Variants in PAK2 observed in about 807,000 individuals in gnomAD.
PAK2 encodes serine/threonine-protein kinase PAK 2.
Under a neutral mutation model 65.9 loss-of-function variants are expected in PAK2, and 21 were observed. The ratio of observed to expected loss-of-function variants is 0.32; its 90% CI spans 0.23 to 0.46. PAK2 has a LOEUF of 0.46. PAK2 is among the 20% of genes least tolerant of loss of function. PAK2 has a pLI of 1.00. For missense variants in PAK2, 324 were observed against 642.6 expected, an observed-to-expected ratio of 0.50 and a Z score of 5.36; for synonymous variants, 204 against 219.7, an observed-to-expected ratio of 0.93 and a Z score of 0.63.
At chr3:196,771,553 C>T (rs939454563) in intron 1 of PAK2, among the ~76,000 whole-genome samples, 3 of 150,518 alleles carry the variant, frequency 2.0e-5, no homozygotes, top group African/African-American at 7.5e-5. Flanking sequence ...TCTCCTCTTT[C>T]ATATTTTCTT....
rs1711972221 is a variant in PAK2, at chr3:196,828,880, G to C, written c.*475G>C. 6.2e-6 allele frequency: 1 copy of C among 161,686 alleles called. No homozygotes were observed. The highest frequency in any genetic ancestry group is 1.8e-4 in the South Asian group (1 of 5,614). 10.0% of individuals were successfully genotyped at this position (161,686 alleles called of 1,614,324 possible). ...TTGCTTTTGCGTTTCTCATGCCTAG[G>C]CAAGTGTAATAGAAATTATGTAGCT... On this transcript the variant is annotated 3_prime_UTR_variant, in exon 15 of 15. Coordinates refer to ENST00000327134, the MANE Select transcript of PAK2 (RefSeq NM_002577.4).
intron 1 of PAK2, among the ~76,000 whole-genome samples, chr3:196,758,644 TTTTATTTTATTTTAG>T (rs916452206): frequency 6.6e-6 from 1 of 152,136 alleles, no homozygotes; most frequent in Middle Eastern, 3.2e-3. Flanking sequence ...AGTATTTTTA[TTTTATTTTATTTTAG>T]TTTATTTTAT....
chr3:196,768,957 G>A lies in PAK2; in HGVS notation c.-21-13669G>A, dbSNP rs942330762. ...GCTGGGATTACAGGTGTGAGCCACCGTGCCCGGCCTACTTTTATTTTTTTA... is the reference window on the plus strand; with the variant it reads ...GCTGGGATTACAGGTGTGAGCCACCATGCCCGGCCTACTTTTATTTTTTTA... On this transcript the variant is annotated intron_variant, in intron 1 of 14. Coordinates refer to ENST00000327134, the MANE Select transcript of PAK2 (RefSeq NM_002577.4). 7.9e-5 allele frequency among the ~76,000 whole-genome samples: 12 copies of A among 151,740 alleles called. 2 individuals carry two copies. Among genetic ancestry groups the A allele is most frequent in the African/African-American group, 1.7e-4 (7 of 41,166 alleles).
intron 1 of PAK2, among the ~76,000 whole-genome samples, chr3:196,744,787 T>G (rs956658220): frequency 2.0e-5 from 3 of 152,218 alleles, no homozygotes; most frequent in Non-Finnish European, 4.4e-5. Context: ...ACTTTAATTA[T>G]TTGTGATCAT....
At chr3:196,771,078 T>C (rs1714345692) in intron 1 of PAK2, among the ~76,000 whole-genome samples, 1 of 152,104 alleles carries the variant, frequency 6.6e-6, no homozygotes, top group South Asian at 2.1e-4. Flanking sequence ...TTAAACTTAA[T>C]TGACTTTAAG....
At position 196,828,393 on chromosome 3, in the gene PAK2, G is replaced by T; in HGVS notation, c.1563G>T (p.Lys521Asn). 6.3e-7 allele frequency: 1 copy of T among 1,596,120 alleles called. No homozygotes were observed. Among genetic ancestry groups the T allele is most frequent in the Non-Finnish European group, 8.6e-7 (1 of 1,164,424 alleles). ...PLIMAAKEAM[K>N]SNR ...TCATGGCAGCTAAAGAAGCAATGAA[G>T]AGTAACCGTTAACATCACTGCTGTG... Residue 521 changes from lysine (K) to asparagine (N), a missense_variant, in exon 15 of 15, where the codon AAG becomes AAT. Physicochemically the swap from Lys to Asn is moderately conservative, Grantham distance 94. Around this residue, in one of 5 missense-constraint regions of PAK2, gnomAD observed 43 missense variants for 67.6 expected, o/e 0.64. Coordinates refer to ENST00000327134, the MANE Select transcript of PAK2 (RefSeq NM_002577.4).
At chr3:196,787,580 GAA>G (rs58321910) in intron 2 of PAK2, among the ~76,000 whole-genome samples, 46 of 127,512 alleles carry the variant, frequency 3.6e-4, no homozygotes, top group African/African-American at 3.7e-4. Flanking sequence ...CTCCGTCTCA[GAA>G]AAAAAAAAAA....
intron 8 of PAK2, among the ~76,000 whole-genome samples, chr3:196,811,397 T>C (rs1266682302): frequency 1.7e-5 from 1 of 59,710 alleles, no homozygotes; most frequent in Non-Finnish European, 3.4e-5. Context: ...TTTTTTTTTT[T>C]TTTTTTTTTT....
intron 11 of PAK2, among the ~76,000 whole-genome samples, chr3:196,815,508 G>T (rs1322427077): frequency 6.6e-6 from 1 of 151,286 alleles, no homozygotes; most frequent in African/African-American, 2.4e-5. Flanking sequence ...AAAAAAAGAG[G>T]CTGGGTACAG....
At chr3:196,759,502 T>TTG (rs1560092799) in intron 1 of PAK2, among the ~76,000 whole-genome samples, 1 of 11,970 alleles carries the variant, frequency 8.4e-5, no homozygotes. Context: ...TTTTTTGTTT[T>TTG]TTTTTTTTTT....
At chr3:196,821,988 C>T (rs1451606995) in intron 13 of PAK2, among the ~76,000 whole-genome samples, 1 of 152,202 alleles carries the variant, frequency 6.6e-6, no homozygotes, top group African/African-American at 2.4e-5. Context: ...AGCATTGAAC[C>T]TTGAGAGTAC....
Position 196,791,181 on chromosome 3 carries a change from A to G in PAK2, c.187+8348A>G, listed in dbSNP as rs574062923. Among the ~76,000 whole-genome samples, 5 of 152,296 alleles carry G rather than the reference A, an allele frequency of 3.3e-5. No homozygotes were observed. The highest frequency in any genetic ancestry group is 2.1e-4 in the South Asian group (1 of 4,828). Reference sequence around the variant, plus strand: ...TTAAAGACATTCTGTTGGTATAGCAATATCTTTCCAGCACATTGTTCAATT... The same window carrying G: ...TTAAAGACATTCTGTTGGTATAGCAGTATCTTTCCAGCACATTGTTCAATT... On this transcript the variant is annotated intron_variant, in intron 2 of 14. Coordinates refer to ENST00000327134, the MANE Select transcript of PAK2 (RefSeq NM_002577.4). The surrounding 1 kb of genome is among the most constrained non-coding windows in gnomAD (Gnocchi z 4.0).
chr3:196,807,705 G>T, intron 6 of PAK2, 77 bp from the exon 7 acceptor site: 2 of 807,406 alleles, frequency 2.5e-6, no homozygotes, highest in South Asian at 1.7e-5. Context: ...AAAAATCAAA[G>T]AACTGAATTA....
In PAK2 at chr3:196,830,527, A is replaced by T. The variant is rs1712040056; in HGVS notation, c.*2122A>T. ...GAGGCACTTCCCTCCTAAGTCAAAG[A>T]CCATCCTCACTGACTATGTGCCAAC... On this transcript the variant is annotated 3_prime_UTR_variant, in exon 15 of 15. Transcript: ENST00000327134. The T allele has an allele frequency of 6.6e-6, 1 of 152,188 alleles. No individual in the cohort carries two copies. Among genetic ancestry groups the T allele is most frequent in the Non-Finnish European group, 1.5e-5 (1 of 68,034 alleles). 9.4% of individuals were successfully genotyped at this position (152,188 alleles called of 1,614,324 possible).
chr3:196,804,836 TATATATATACACACACAC>T (rs1365105628), intron 4 of PAK2, among the ~76,000 whole-genome samples: 5 of 150,876 alleles, frequency 3.3e-5, no homozygotes, highest in African/African-American at 1.2e-4. Context: ...CACATATATA[TATATATATACACACACAC>T]ATATACACAC....
chr3:196,772,123 T>C (rs564727738), intron 1 of PAK2, among the ~76,000 whole-genome samples: 1 of 152,360 alleles, frequency 6.6e-6, no homozygotes, highest in South Asian at 2.1e-4. Flanking sequence ...GCCATCACCA[T>C]TTTCAAAATG....
At chr3:196,795,710 A>T in intron 2 of PAK2, among the ~76,000 whole-genome samples, 1 of 152,238 alleles carries the variant, frequency 6.6e-6, no homozygotes, top group Non-Finnish European at 1.5e-5. Flanking sequence ...AGGAGGACAC[A>T]GAATTTTAAA....
chr3:196,772,197 T>C (rs1040396097), intron 1 of PAK2, among the ~76,000 whole-genome samples: 4 of 152,210 alleles, frequency 2.6e-5, no homozygotes, highest in African/African-American at 7.2e-5. Context: ...TTATGTGCAT[T>C]ATAGCCTTTT....
chr3:196,822,746 A>G (rs1396692946), intron 13 of PAK2, among the ~76,000 whole-genome samples: 1 of 152,160 alleles, frequency 6.6e-6, no homozygotes, highest in Non-Finnish European at 1.5e-5. Context: ...AAAAGCGTGC[A>G]TAGGGAGGGC....
Sources: allele counts gnomAD v4.1 joint callset (sites outside exome capture counted in the v4.1 genomes callset), GRCh38; gene constraint gnomAD v4.1.1; regional missense constraint gnomAD v4.1.1; non-coding constraint Gnocchi (gnomAD v3.1); transcripts MANE v1.5; gene names NCBI Gene and HGNC (gene_info 2026-07-23, HGNC 2026-07-21).